The following PAK5 variants were observed in gnomAD, a reference collection of about 807,000 sequenced individuals.
PAK5 encodes the protein p21 (RAC1) activated kinase 5.
PAK5 carries 16 observed loss-of-function variants against 65.9 expected under a neutral mutation model. That is an observed-to-expected ratio of 0.24 (90% CI 0.16 to 0.37). The LOEUF is 0.37. Ranked by LOEUF, PAK5 falls within the 10% of genes least tolerant of loss-of-function variation. The probability of loss-of-function intolerance (pLI) is 1.00; values close to 1 mark genes in which losing one functional copy is unlikely to be tolerated. For synonymous variants in PAK5, 371 were observed against 354.9 expected, an observed-to-expected ratio of 1.05 and a Z score of -0.51; for missense variants, 785 against 903.9, an observed-to-expected ratio of 0.87 and a Z score of 1.69.
intron 4 of PAK5, among the ~76,000 whole-genome samples, chr20:9,572,705 A>C (rs1390323431): frequency 6.6e-6 from 1 of 152,234 alleles, no homozygotes; most frequent in Non-Finnish European, 1.5e-5. Context: ...CAAAAGATTT[A>C]TGTACATAGT....
chr20:9,804,944 C>T (rs991830614), intron 1 of PAK5, among the ~76,000 whole-genome samples: 1 of 151,718 alleles, frequency 6.6e-6, no homozygotes, highest in Admixed American at 6.6e-5. Flanking sequence ...AAAAGGTGAC[C>T]CACAAAATGG....
intron 4 of PAK5, among the ~76,000 whole-genome samples, chr20:9,574,743 C>G (rs1250470287): frequency 6.6e-6 from 1 of 152,186 alleles, no homozygotes; most frequent in African/African-American, 2.4e-5. Context: ...AGATAGTGCA[C>G]TCAGTCAGTC....
chr20:9,665,164 C>T (rs2047399897), intron 2 of PAK5, among the ~76,000 whole-genome samples: 1 of 147,160 alleles, frequency 6.8e-6, no homozygotes, highest in South Asian at 2.2e-4. Flanking sequence ...AAGAGATCCT[C>T]CCACCTTGGC....
At chr20:9,831,788 G>A (rs370133652) in intron 1 of PAK5, among the ~76,000 whole-genome samples, 1 of 152,176 alleles carries the variant, frequency 6.6e-6, no homozygotes, top group African/African-American at 2.4e-5. Context: ...GATTACAGGT[G>A]TGAGCCACCG....
chr20:9,564,128 A>G (rs535953065), intron 5 of PAK5, among the ~76,000 whole-genome samples: 1 of 152,204 alleles, frequency 6.6e-6, no homozygotes, highest in Non-Finnish European at 1.5e-5. Context: ...ATATTTTAGG[A>G]CTTAGATCTC....
At chr20:9,819,737 A>G (rs55682426) in intron 1 of PAK5, among the ~76,000 whole-genome samples, 63,199 of 151,864 alleles carry the variant, frequency 0.42, 13,262 homozygotes, top group Admixed American at 0.5. Flanking sequence ...GGGAATACAA[A>G]AGCCACACAT....
intron 3 of PAK5, among the ~76,000 whole-genome samples, chr20:9,591,767 G>T (rs2046175657): frequency 6.6e-6 from 1 of 151,890 alleles, no homozygotes. Flanking sequence ...ATAGTACAAG[G>T]CATATTTATT....
At chr20:9,663,815 G>C (rs766986448) in intron 2 of PAK5, among the ~76,000 whole-genome samples, 1 of 152,198 alleles carries the variant, frequency 6.6e-6, no homozygotes, top group African/African-American at 2.4e-5. Context: ...AGTGCTTAAA[G>C]GTATTGCTTT....
intron 1 of PAK5, among the ~76,000 whole-genome samples, chr20:9,769,520 CT>C (rs1264953314): frequency 6.6e-6 from 1 of 152,236 alleles, no homozygotes; most frequent in Non-Finnish European, 1.5e-5. Flanking sequence ...GTGGCTATCA[CT>C]TTCCCCCATC....
At chr20:9,548,053 C>G (rs1277488404) in intron 7 of PAK5, among the ~76,000 whole-genome samples, 1 of 152,180 alleles carries the variant, frequency 6.6e-6, no homozygotes. Context: ...CGCAAACACA[C>G]GAGTCCACCT....
At chr20:9,690,750 C>CTTTTTTTTTT (rs112955560) in intron 2 of PAK5, among the ~76,000 whole-genome samples, 15 of 103,974 alleles carry the variant, frequency 1.4e-4, no homozygotes, top group African/African-American at 2.7e-4. Flanking sequence ...TTCTTTCTTT[C>CTTTTTTTTTT]TTTTTTTTTT....
intron 3 of PAK5, among the ~76,000 whole-genome samples, chr20:9,584,811 C>A (rs941691799): frequency 9.9e-5 from 15 of 152,192 alleles, no homozygotes; most frequent in Non-Finnish European, 2.2e-4. Context: ...AGAAATTATA[C>A]TCTTGCACAT....
chr20:9,716,602 ATTTTC>A (rs1458203341), intron 1 of PAK5, among the ~76,000 whole-genome samples: 1 of 152,160 alleles, frequency 6.6e-6, no homozygotes, highest in Non-Finnish European at 1.5e-5. Context: ...ACTACTTTTA[ATTTTC>A]TATTTATGCT....
intron 8 of PAK5, 135 bp from the exon 9 acceptor site, chr20:9,542,855 T>C (rs1376010030): frequency 1.3e-6 from 1 of 781,596 alleles, no homozygotes. Context: ...TATAGATTTA[T>C]AGGCTAAACT....
At chr20:9,761,622 C>G (rs929431164) in intron 1 of PAK5, among the ~76,000 whole-genome samples, 1 of 152,154 alleles carries the variant, frequency 6.6e-6, no homozygotes, top group Non-Finnish European at 1.5e-5. Flanking sequence ...GCTGGAGGCA[C>G]CATACTTCCC....
At chr20:9,685,142 GCACAC>G (rs2047700907) in intron 2 of PAK5, among the ~76,000 whole-genome samples, 3 of 152,114 alleles carry the variant, frequency 2.0e-5, no homozygotes, top group African/African-American at 7.2e-5. Flanking sequence ...ATGTTCTCTA[GCACAC>G]TGAGTATCTT....
intron 2 of PAK5, among the ~76,000 whole-genome samples, chr20:9,665,241 C>A (rs895767858): frequency 1.3e-5 from 2 of 151,632 alleles, no homozygotes; most frequent in Non-Finnish European, 2.9e-5. Flanking sequence ...CTTGAAAGGA[C>A]AACTGGATAG....
chr20:9,684,341 C>T (rs1403375271), intron 2 of PAK5, among the ~76,000 whole-genome samples: 1 of 152,140 alleles, frequency 6.6e-6, no homozygotes, highest in African/African-American at 2.4e-5. Flanking sequence ...GAAGAAGAAA[C>T]TCCTATTGCA....
chr20:9,789,022 G>A (rs184686462), intron 1 of PAK5, among the ~76,000 whole-genome samples: 3 of 152,304 alleles, frequency 2.0e-5, no homozygotes, highest in Non-Finnish European at 2.9e-5. Context: ...TGGAATATGG[G>A]AGTCCCTCCC....
Sources: gnomAD v4.1 joint callset for allele counts (sites outside exome capture counted in the v4.1 genomes callset) on GRCh38, gnomAD v4.1.1 for gene constraint, MANE v1.5 for transcripts, NCBI Gene and HGNC (gene_info 2026-07-23, HGNC 2026-07-21) for gene names.